BMX: variants seen among roughly 807,000 people sequenced by gnomAD.
BMX encodes the protein BMX non-receptor tyrosine kinase.
Under a neutral mutation model 59.2 loss-of-function variants are expected in BMX, and 31 were observed. The observed-to-expected ratio is 0.52, with a 90% CI of 0.39 to 0.71. The LOEUF is 0.71. Ranked by LOEUF, BMX falls within the 30% of genes least tolerant of loss-of-function variation. The pLI is 0.00. For synonymous variants in BMX, 185 were observed against 181.0 expected, an observed-to-expected ratio of 1.02 and a Z score of -0.18; for missense variants, 474 against 491.7, an observed-to-expected ratio of 0.96 and a Z score of 0.34.
At chrX:15,539,968 T>A (rs192185886) in intron 14 of BMX, among the ~76,000 whole-genome samples, 16 of 112,402 alleles carry the variant, frequency 1.4e-4, no homozygotes, top group African/African-American at 5.2e-4. Context: ...TAGGAACGCT[T>A]TTACACTGTT....
At chrX:15,544,378 G>A (rs1925846836) in intron 16 of BMX, among the ~76,000 whole-genome samples, 1 of 109,584 alleles carries the variant, frequency 9.1e-6, no homozygotes, top group Admixed American at 9.8e-5. Context: ...CCCCTACACT[G>A]ACCCTCCAAA....
At chrX:15,552,759 G>C (rs759522977) in intron 18 of BMX, among the ~76,000 whole-genome samples, 1 of 112,303 alleles carries the variant, frequency 8.9e-6, no homozygotes, top group South Asian at 3.7e-4. Flanking sequence ...GATTTTGGCA[G>C]AAAGGTATGA....
intron 11 of BMX, among the ~76,000 whole-genome samples, chrX:15,531,702 A>T (rs907750716): frequency 1.1e-4 from 12 of 110,124 alleles, no homozygotes; most frequent in African/African-American, 2.3e-4. Flanking sequence ...TTATTAAGAG[A>T]CTCTCGGGTG....
intron 5 of BMX, among the ~76,000 whole-genome samples, chrX:15,516,744 T>C (rs1029449076): frequency 7.2e-5 from 8 of 111,218 alleles, no homozygotes; most frequent in Non-Finnish European, 1.3e-4. Context: ...GGTCAAATTT[T>C]AAAATATATA....
chrX:15,522,437 A>C lies in BMX; in HGVS notation c.602A>C (p.Asn201Thr). 2 of 1,212,030 alleles carry C rather than the reference A, an allele frequency of 1.7e-6. No homozygotes were observed. Among genetic ancestry groups the C allele is most frequent in the Non-Finnish European group, 2.2e-6 (2 of 895,532 alleles). The change falls in exon 7 of 19, where the codon AAC becomes ACC. Residue 201 changes from asparagine to threonine, a missense_variant. By Grantham distance (65) the Asn-to-Thr change is moderately conservative. Transcript: ENST00000348343. ...CAATATGACAACGAATCAAAGAAAAACTATGGCTCCCAGCCACCATCTTCA... is the reference window on the plus strand; with the variant it reads ...CAATATGACAACGAATCAAAGAAAACCTATGGCTCCCAGCCACCATCTTCA... The part of the protein sequence containing the change: ...LAQYDNESKK[N>T]YGSQPPSSST...
At chrX:15,526,562 C>G (rs185264483) in intron 9 of BMX, among the ~76,000 whole-genome samples, 17 of 107,114 alleles carry the variant, frequency 1.6e-4, no homozygotes, top group Admixed American at 1.5e-3. Flanking sequence ...CGACAGATCT[C>G]TATTCTTAGG....
intron 7 of BMX, 53 bp from the exon 8 acceptor site, chrX:15,525,228 CATTTAAA>C: frequency 9.5e-7 from 1 of 1,049,685 alleles, no homozygotes; most frequent in Non-Finnish European, 1.3e-6. Flanking sequence ...TTACTTTTGT[CATTTAAA>C]ATTTATAAGT....
intron 14 of BMX, among the ~76,000 whole-genome samples, chrX:15,538,153 C>T (rs1925462525): frequency 1.8e-5 from 2 of 109,223 alleles, no homozygotes; most frequent in African/African-American, 6.7e-5. Context: ...TCTCTCTTCC[C>T]CCTCTCTCTC....
chrX:15,523,128 T>C (rs750877776), intron 7 of BMX, among the ~76,000 whole-genome samples: 1 of 112,401 alleles, frequency 8.9e-6, no homozygotes, highest in South Asian at 3.6e-4. Context: ...TATCTCTTGG[T>C]ATGGCACTGA....
At position 15,516,145 on chromosome X, in the gene BMX, A is replaced by G; in HGVS notation, c.359A>G (p.Tyr120Cys). ...IRGNPHLLVK[Y>C]HSGFFVDGKF... ...GGTAACCCCCACCTGCTGGTCAAGT[A>G]CCATAGTGGGTTCTTCGTGGACGGG... Residue 120 changes from tyrosine to cysteine, a missense_variant, in exon 5 of 19, where the codon TAC becomes TGC. Tyr to Cys is a radical substitution (Grantham distance 194). Transcript: ENST00000348343. 8.3e-7 allele frequency: 1 copy of G among 1,211,287 alleles called. No homozygotes were observed. Among genetic ancestry groups the G allele is most frequent in the Non-Finnish European group, 1.1e-6 (1 of 894,970 alleles).
chrX:15,525,155 T>A, intron 7 of BMX, 133 bp from the exon 8 acceptor site: 1 of 612,413 alleles, frequency 1.6e-6, no homozygotes, highest in Non-Finnish European at 2.4e-6. Flanking sequence ...AGCTTAAATT[T>A]CCCAAACAAG....
At chrX:15,554,649 C>T (rs1259986332) in intron 18 of BMX, among the ~76,000 whole-genome samples, 1 of 111,092 alleles carries the variant, frequency 9.0e-6, no homozygotes, top group Non-Finnish European at 1.9e-5. Flanking sequence ...TGACTTTTGC[C>T]AGGATTTTCC....
At chrX:15,507,506 TAAG>T (rs1352131335) in intron 1 of BMX, 5 of 387,783 alleles carry the variant, frequency 1.3e-5, no homozygotes, top group Non-Finnish European at 1.6e-5. Flanking sequence ...AAGAAGAACA[TAAG>T]AAAGTTTGTT....
At chrX:15,509,937 CAAGTT>C (rs1923890600) in intron 3 of BMX, among the ~76,000 whole-genome samples, 1 of 111,382 alleles carries the variant, frequency 9.0e-6, no homozygotes, top group African/African-American at 3.3e-5. Context: ...AGGTGACACT[CAAGTT>C]GAGAAGGACA....
chrX:15,532,754 C>T (rs1925143292), intron 11 of BMX, among the ~76,000 whole-genome samples: 1 of 112,322 alleles, frequency 8.9e-6, no homozygotes, highest in African/African-American at 3.2e-5. Context: ...ATAGGATGTA[C>T]CTGAATTGTC....
intron 1 of BMX, among the ~76,000 whole-genome samples, chrX:15,506,164 G>A (rs1923734130): frequency 9.0e-6 from 1 of 111,133 alleles, no homozygotes; most frequent in Non-Finnish European, 1.9e-5. Context: ...TGTGCAATAT[G>A]CTGGGGTTAC....
intron 3 of BMX, 112 bp from the exon 4 acceptor site, chrX:15,511,325 A>G (rs1033285667): frequency 5.6e-6 from 3 of 540,473 alleles, no homozygotes; most frequent in Non-Finnish European, 8.9e-6. Flanking sequence ...GAGCTGATGT[A>G]TACTGTATAA....
At chrX:15,522,203 C>A in intron 6 of BMX, 143 bp from the exon 7 acceptor site, 2 of 772,776 alleles carry the variant, frequency 2.6e-6, no homozygotes, top group South Asian at 2.8e-5. Context: ...TGCCTCTTTC[C>A]TTCCTCCCTT....
At position 15,511,554 on chromosome X, in the gene BMX, CA is replaced by C. The variant is rs752896501; in HGVS notation, c.325+43del. 4.0e-5 allele frequency: 45 copies of C among 1,115,849 alleles called. No homozygotes were observed. The African/African-American group carries it at 6.4e-4, about 16-fold the overall frequency. The allele number at this position is 1,115,849 out of a possible 1,213,427, so 92.0% of individuals were successfully genotyped here. ...AAAAGAAATGTTGAAAGAGAAAGGT[CA>C]AAAAAAGCCATAAAAGAGAGTCGTT... On this transcript the variant is annotated intron_variant, in intron 4 of 18. Transcript: ENST00000348343.
Sources: gnomAD v4.1 joint callset for allele counts (sites outside exome capture counted in the v4.1 genomes callset) on GRCh38, gnomAD v4.1.1 for gene constraint, MANE v1.5 for transcripts, NCBI Gene and HGNC (gene_info 2026-07-23, HGNC 2026-07-21) for gene names.